The following ASCC1 variants were observed in gnomAD, a reference collection of about 807,000 sequenced individuals.
The protein encoded by ASCC1 is ASC-1 complex subunit P50.
ASCC1 carries 35 observed loss-of-function variants against 46.6 expected under a neutral mutation model. The ratio of observed to expected loss-of-function variants is 0.75; its 90% confidence interval spans 0.57 to 0.99. The LOEUF (loss-of-function observed/expected upper bound fraction) is 0.99, where lower values mean the gene tolerates loss of function less well. Among genes scored for constraint, ASCC1 ranks in the 50% least tolerant of loss-of-function variants. The probability of loss-of-function intolerance (pLI) is 0.00; values close to 1 mark genes in which losing one functional copy is unlikely to be tolerated. For synonymous variants in ASCC1, 143 were observed against 146.6 expected (o/e 0.98, Z 0.18); for missense variants, 376 against 428.7 (o/e 0.88, Z 1.09).
At chr10:72,105,406 T>C (rs1322537499) in intron 9 of ASCC1, among the ~76,000 whole-genome samples, 2 of 152,220 alleles carry the variant, frequency 1.3e-5, no homozygotes, top group Non-Finnish European at 2.9e-5. Context: ...CTTGCTCACG[T>C]GCTCCCTCCC....
chr10:72,105,504 A>G (rs552273687), intron 9 of ASCC1, among the ~76,000 whole-genome samples: 6 of 152,336 alleles, frequency 3.9e-5, no homozygotes, highest in Admixed American at 6.5e-5. Context: ...TGCATCAATA[A>G]TATCTTTAGA....
rs549748389 is a variant in ASCC1 at position 72,160,869 on chromosome 10, G to A, written c.626+669C>T. Among the ~76,000 whole-genome samples the A allele has an allele frequency of 2.0e-5, 3 of 150,826 alleles. No homozygotes were observed. In the South Asian group the frequency reaches 6.3e-4, roughly 31 times the overall value. The stretch of plus-strand genomic sequence containing the variant: ...GAGGCCAAGGCGGGCGGATCACAAG[G>A]TCAAGAGATCAAGACCATCCTGGCT... On this transcript the variant is annotated intron_variant, in intron 6 of 9. Coordinates refer to ENST00000672957, the MANE Select transcript of ASCC1 (RefSeq NM_001198800.3).
intron 8 of ASCC1, among the ~76,000 whole-genome samples, chr10:72,129,955 T>C (rs1171172055): frequency 4.3e-5 from 5 of 116,102 alleles, no homozygotes; most frequent in Admixed American, 1.2e-4. Flanking sequence ...CACTCCAGCC[T>C]GGGCAACAGA....
At chr10:72,175,034 C>T (rs1366163173) in intron 5 of ASCC1, among the ~76,000 whole-genome samples, 2 of 152,050 alleles carry the variant, frequency 1.3e-5, no homozygotes, top group Non-Finnish European at 2.9e-5. Context: ...TTTTTTATGG[C>T]CAAATCTTGT....
At chr10:72,162,489 A>G (rs573775620) in intron 5 of ASCC1, among the ~76,000 whole-genome samples, 1 of 151,470 alleles carries the variant, frequency 6.6e-6, no homozygotes, top group Non-Finnish European at 1.5e-5. Flanking sequence ...TTATTTTTTA[A>G]GAGACTGGGT....
intron 7 of ASCC1, among the ~76,000 whole-genome samples, chr10:72,137,076 AT>A (rs551575555): frequency 0.016 from 2,377 of 147,434 alleles, 29 homozygotes; most frequent in Non-Finnish European, 0.026. Flanking sequence ...TGCCCAGCTA[AT>A]TTTTTTTTTT....
At chr10:72,165,883 G>A (rs980666253) in intron 5 of ASCC1, among the ~76,000 whole-genome samples, 1 of 152,164 alleles carries the variant, frequency 6.6e-6, no homozygotes, top group Non-Finnish European at 1.5e-5. Context: ...AACTACAATT[G>A]AGAACTGCTC....
At chr10:72,212,928 T>C (rs995354778) in intron 2 of ASCC1, among the ~76,000 whole-genome samples, 6 of 150,266 alleles carry the variant, frequency 4.0e-5, no homozygotes, top group Non-Finnish European at 7.4e-5. Flanking sequence ...TAATGGTTAA[T>C]ATTAACAACT....
Position 72,152,762 on chromosome 10 carries a change from G to A in ASCC1, c.746+107C>T. 5 of 1,322,708 alleles carry A rather than the reference G, an allele frequency of 3.8e-6. No homozygotes were observed. The South Asian group carries it at 5.0e-5, about 13-fold the overall frequency. The allele number at this position is 1,322,708 out of a possible 1,614,324, so 81.9% of individuals were successfully genotyped here. A position where few individuals can be genotyped will look rare whatever the true frequency, so the allele number is the denominator to read the frequency against. On this transcript the variant is annotated intron_variant, in intron 7 of 9. Transcript: ENST00000672957. The stretch of plus-strand genomic sequence containing the variant: ...AAAAAGAGAGAGAAATAATTAACAT[G>A]TTCTTTACAATAAGAACTCAAAGAA...
At chr10:72,173,970 G>C (rs1851556600) in intron 5 of ASCC1, among the ~76,000 whole-genome samples, 1 of 152,248 alleles carries the variant, frequency 6.6e-6, no homozygotes, top group Non-Finnish European at 1.5e-5. Context: ...GAAGCAAAGA[G>C]TGAAGTAACA....
intron 9 of ASCC1, among the ~76,000 whole-genome samples, chr10:72,099,374 C>T (rs1231740949): frequency 6.6e-6 from 1 of 152,316 alleles, no homozygotes; most frequent in East Asian, 1.9e-4. Flanking sequence ...CATAAATTCT[C>T]ACATCCACTA....
chr10:72,204,680 G>A (rs933780933), intron 3 of ASCC1, among the ~76,000 whole-genome samples: 1 of 152,158 alleles, frequency 6.6e-6, no homozygotes, highest in East Asian at 1.9e-4. Flanking sequence ...TTTTGCGTGG[G>A]ATAAGAAAGC....
chr10:72,202,591 G>A (rs1460690971), intron 4 of ASCC1, among the ~76,000 whole-genome samples: 1 of 152,078 alleles, frequency 6.6e-6, no homozygotes, highest in Non-Finnish European at 1.5e-5. Context: ...CTGAGGCTTG[G>A]TACAGACACT....
chr10:72,151,272 A>C (rs545241193), intron 7 of ASCC1, among the ~76,000 whole-genome samples: 1 of 152,380 alleles, frequency 6.6e-6, no homozygotes, highest in South Asian at 2.1e-4. Flanking sequence ...AGCCATAAAA[A>C]AGGATGAGTT....
At chr10:72,144,272 G>A (rs1018404398) in intron 7 of ASCC1, among the ~76,000 whole-genome samples, 1 of 152,144 alleles carries the variant, frequency 6.6e-6, no homozygotes, top group African/African-American at 2.4e-5. Context: ...ACCACAGCTG[G>A]CTGCATTTTT....
intron 5 of ASCC1, among the ~76,000 whole-genome samples, chr10:72,193,940 C>A (rs990032429): frequency 7.9e-5 from 12 of 151,528 alleles, no homozygotes; most frequent in African/African-American, 2.9e-4. Flanking sequence ...ATTCACGTCA[C>A]TCTCCTGCCT....
chr10:72,137,955 C>T (rs150957773), intron 7 of ASCC1, among the ~76,000 whole-genome samples: 7 of 152,258 alleles, frequency 4.6e-5, no homozygotes, highest in African/African-American at 1.7e-4. Context: ...CCCTCTGCCT[C>T]CCAGGCTCAA....
At chr10:72,194,170 C>T (rs1277240837) in intron 5 of ASCC1, among the ~76,000 whole-genome samples, 1 of 151,816 alleles carries the variant, frequency 6.6e-6, no homozygotes, top group Non-Finnish European at 1.5e-5. Flanking sequence ...GGGCATGAGC[C>T]CCTGCACCTG....
intron 9 of ASCC1, among the ~76,000 whole-genome samples, chr10:72,123,866 T>G (rs1938300564): frequency 6.6e-6 from 1 of 152,254 alleles, no homozygotes; most frequent in Admixed American, 6.5e-5. Flanking sequence ...GTAGTCACAT[T>G]GTTCATTTTA....
Sources: allele counts gnomAD v4.1 joint callset (sites outside exome capture counted in the v4.1 genomes callset), GRCh38; gene constraint gnomAD v4.1.1; transcripts MANE v1.5; gene names NCBI Gene and HGNC (gene_info 2026-07-23, HGNC 2026-07-21).